Variants in NUSAP1 observed in about 807,000 individuals in gnomAD.
The protein encoded by NUSAP1 is nucleolar and spindle associated protein 1.
A neutral mutation model predicts 52.8 loss-of-function variants in NUSAP1; 32 were observed. The ratio of observed to expected loss-of-function variants is 0.61; its 90% CI spans 0.46 to 0.81. The LOEUF (loss-of-function observed/expected upper bound fraction) is 0.81, where lower values mean the gene tolerates loss of function less well. NUSAP1 is among the 40% of genes least tolerant of loss of function. The probability of loss-of-function intolerance (pLI) is 0.00; values close to 1 mark genes in which losing one functional copy is unlikely to be tolerated. For missense variants in NUSAP1, 499 were observed against 522.3 expected (o/e 0.96, Z 0.43); for synonymous variants, 195 against 183.1 (o/e 1.06, Z -0.52).
chr15:41,371,754 T>A (rs923545102), intron 8 of NUSAP1, 70 bp downstream of exon 8: 1 of 1,490,208 alleles, frequency 6.7e-7, no homozygotes, highest in African/African-American at 1.4e-5. Context: ...AATGATTAGG[T>A]ATATCTGTTT....
chr15:41,350,670 A>G (rs528626171), intron 3 of NUSAP1, among the ~76,000 whole-genome samples: 1 of 152,280 alleles, frequency 6.6e-6, no homozygotes, highest in East Asian at 1.9e-4. Flanking sequence ...GAATAAATGC[A>G]GTACTTATTA....
At chr15:41,354,658 T>C (rs1346046851) in intron 4 of NUSAP1, among the ~76,000 whole-genome samples, 2 of 128,328 alleles carry the variant, frequency 1.6e-5, no homozygotes. Context: ...ACTGAAAAAG[T>C]TTGTTTTAAC....
chr15:41,349,396 C>T, intron 3 of NUSAP1, 155 bp downstream of exon 3: 1 of 647,748 alleles, frequency 1.5e-6, no homozygotes, highest in Non-Finnish European at 2.6e-6. Flanking sequence ...AGTCCAGCTG[C>T]TCATCACTGC....
intron 10 of NUSAP1, among the ~76,000 whole-genome samples, chr15:41,378,954 T>TTG (rs2050099587): frequency 9.3e-6 from 1 of 107,472 alleles, no homozygotes; most frequent in Admixed American, 9.6e-5. Flanking sequence ...GTTTTTTTTT[T>TTG]TTTTTTTTTT....
chr15:41,370,230 A>G (rs1262668015), intron 7 of NUSAP1, among the ~76,000 whole-genome samples: 2 of 150,888 alleles, frequency 1.3e-5, no homozygotes, highest in Non-Finnish European at 3.0e-5. Context: ...AAATACAAAA[A>G]AAATAGCCGG....
chr15:41,369,621 C>G (rs73405001), intron 7 of NUSAP1, among the ~76,000 whole-genome samples: 13,233 of 151,630 alleles, frequency 0.087, 732 homozygotes, highest in African/African-American at 0.16. Context: ...GCACTCCAGC[C>G]TGGGCAACAA....
chr15:41,349,880 C>T (rs1346350420), intron 3 of NUSAP1, among the ~76,000 whole-genome samples: 1 of 151,338 alleles, frequency 6.6e-6, no homozygotes, highest in Admixed American at 6.6e-5. Context: ...AATTCTCCTG[C>T]CTCTGCCTCC....
At chr15:41,365,611 G>A in intron 7 of NUSAP1, 22 bp downstream of exon 7, 1 of 1,558,650 alleles carries the variant, frequency 6.4e-7, no homozygotes, top group Non-Finnish European at 8.7e-7. Flanking sequence ...ACTCCAAAAT[G>A]TAATCATGAA....
Position 41,349,258 on chromosome 15 carries a change from A to G in NUSAP1, c.306+17A>G. 1.2e-6 allele frequency: 2 copies of G among 1,600,540 alleles called. No individual in the cohort carries two copies. The highest frequency in any genetic ancestry group is 2.2e-5 in the South Asian group (2 of 89,576). ...GACTCACAGGTGAATGGAAATATAC[A>G]AACTGAAAATAAACCACCTATGCCA... On this transcript the variant is annotated intron_variant, in intron 3 of 10. Coordinates refer to ENST00000559596, the MANE Select transcript of NUSAP1 (RefSeq NM_016359.5).
chr15:41,333,101 C>T, intron 1 of NUSAP1, 51 bp downstream of exon 1: 1 of 1,418,578 alleles, frequency 7.0e-7, no homozygotes, highest in Non-Finnish European at 9.8e-7. Flanking sequence ...GGAATAGCGG[C>T]CTCGGGGAGA....
chr15:41,332,925 A>G lies in NUSAP1; in HGVS notation c.-33A>G, dbSNP rs1254515260. 2 of 1,539,432 alleles carry G rather than the reference A, an allele frequency of 1.3e-6. No homozygotes were observed. ...CCGCGCTGACGAAGTTTGGTGATCC[A>G]TCTTCCGAGTATCGCCGGGATTTCG... On this transcript the variant is annotated 5_prime_UTR_variant, in exon 1 of 11. Transcript: ENST00000559596.
intron 7 of NUSAP1, 129 bp downstream of exon 7, chr15:41,365,718 CT>C: frequency 1.7e-6 from 1 of 584,600 alleles, no homozygotes; most frequent in Non-Finnish European, 2.6e-6. Flanking sequence ...CTTTTCTTTT[CT>C]TTTTCTTTTT....
At chr15:41,341,338 A>G (rs1262425820) in intron 1 of NUSAP1, among the ~76,000 whole-genome samples, 1 of 152,154 alleles carries the variant, frequency 6.6e-6, no homozygotes, top group African/African-American at 2.4e-5. Flanking sequence ...TGCTGGAATT[A>G]CAGGCATGAG....
chr15:41,342,387 C>T lies in NUSAP1; in HGVS notation c.95C>T (p.Ala32Val). 6.3e-7 allele frequency: 1 copy of T among 1,583,336 alleles called. No individual in the cohort carries two copies. Among genetic ancestry groups the T allele is most frequent in the Non-Finnish European group, 8.6e-7 (1 of 1,161,328 alleles). The stretch of plus-strand genomic sequence containing the variant: ...CTAATAATAAGGTCTCTCTTGCAGG[C>T]AACCAAGTTGTTAAAAGCCTTGAAA... ...KSLGLRANLR[A>V]TKLLKALKGY... Residue 32 changes from alanine to valine, a missense_variant and splice_region_variant, in exon 2 of 11, where the codon GCA (alanine) becomes GTA (valine). Coordinates refer to ENST00000559596, the MANE Select transcript of NUSAP1 (RefSeq NM_016359.5).
chr15:41,347,130 G>T (rs533862615), intron 2 of NUSAP1, among the ~76,000 whole-genome samples: 1 of 151,812 alleles, frequency 6.6e-6, no homozygotes, highest in Admixed American at 6.6e-5. Flanking sequence ...CGAGATTATA[G>T]CACTGCACTC....
At position 41,380,321 on chromosome 15, in the gene NUSAP1, A is replaced by C; in HGVS notation, c.*135A>C. 1.7e-6 allele frequency: 1 copy of C among 599,662 alleles called. No individual in the cohort carries two copies. Among genetic ancestry groups the C allele is most frequent in the Non-Finnish European group, 3.0e-6 (1 of 338,826 alleles). 37.1% of individuals were successfully genotyped at this position (599,662 alleles called of 1,614,324 possible). On this transcript the variant is annotated 3_prime_UTR_variant, in exon 11 of 11. Transcript: ENST00000559596. ...ACTGTTCATAGTCTGTGTAGTGTCC[A>C]TGGGTTCTTCATGTGCTATGATCTC...
intron 10 of NUSAP1, among the ~76,000 whole-genome samples, chr15:41,378,422 C>G (rs2050062158): frequency 6.6e-6 from 1 of 152,150 alleles, no homozygotes; most frequent in Non-Finnish European, 1.5e-5. Flanking sequence ...CTGCTTGGAC[C>G]CTCGTGACAC....
chr15:41,378,100 A>G (rs2050045336), intron 10 of NUSAP1, among the ~76,000 whole-genome samples: 1 of 152,174 alleles, frequency 6.6e-6, no homozygotes, highest in African/African-American at 2.4e-5. Flanking sequence ...AAGCACCTGC[A>G]TTGTTTCCAA....
intron 10 of NUSAP1, among the ~76,000 whole-genome samples, chr15:41,377,774 G>C (rs967058763): frequency 4.7e-5 from 7 of 150,246 alleles, no homozygotes; most frequent in African/African-American, 1.7e-4. Context: ...GGAGGCCGAG[G>C]GGGGCAGATC....
Sources: allele counts gnomAD v4.1 joint callset (sites outside exome capture counted in the v4.1 genomes callset), GRCh38; gene constraint gnomAD v4.1.1; transcripts MANE v1.5; gene names NCBI Gene and HGNC (gene_info 2026-07-23, HGNC 2026-07-21).